BTBD9: variants seen among roughly 807,000 people sequenced by gnomAD.
BTBD9 encodes the protein BTB/POZ domain-containing protein 9.
Under a neutral mutation model 64.3 loss-of-function variants are expected in BTBD9, and 49 were observed. The observed-to-expected ratio is 0.76, with a 90% CI of 0.61 to 0.97. The LOEUF is 0.97. Among genes scored for constraint, BTBD9 ranks in the 50% least tolerant of loss-of-function variants. BTBD9 has a pLI of 0.00. For missense variants in BTBD9, 598 were observed against 762.1 expected, an observed-to-expected ratio of 0.78 and a Z score of 2.53; for synonymous variants, 260 against 274.7, an observed-to-expected ratio of 0.95 and a Z score of 0.53.
chr6:38,587,047 G>A (rs930284413), intron 4 of BTBD9, among the ~76,000 whole-genome samples: 2 of 150,194 alleles, frequency 1.3e-5, no homozygotes, highest in East Asian at 2.0e-4. Flanking sequence ...TGGGTGACAA[G>A]AGTGAGACTC....
intron 6 of BTBD9, among the ~76,000 whole-genome samples, chr6:38,355,565 A>C (rs576280550): frequency 2.6e-5 from 4 of 152,242 alleles, no homozygotes; most frequent in Non-Finnish European, 5.9e-5. Context: ...GAAAAACTTA[A>C]CGAGTGGAAT....
At chr6:38,508,023 C>T (rs1362222390) in intron 6 of BTBD9, among the ~76,000 whole-genome samples, 1 of 151,792 alleles carries the variant, frequency 6.6e-6, no homozygotes, top group African/African-American at 2.4e-5. Flanking sequence ...TTAGTAGAGA[C>T]GGGGTTTCAC....
intron 9 of BTBD9, among the ~76,000 whole-genome samples, chr6:38,205,144 C>T (rs995480568): frequency 6.6e-6 from 1 of 152,062 alleles, no homozygotes; most frequent in Non-Finnish European, 1.5e-5. Flanking sequence ...TATGATGTTC[C>T]AGAGAAAATA....
At chr6:38,446,530 C>G (rs1769284555) in intron 6 of BTBD9, among the ~76,000 whole-genome samples, 1 of 152,124 alleles carries the variant, frequency 6.6e-6, no homozygotes, top group African/African-American at 2.4e-5. Flanking sequence ...CATGCCCTGC[C>G]CCTTTCTCCC....
At chr6:38,628,652 A>G (rs1472339244) in intron 1 of BTBD9, among the ~76,000 whole-genome samples, 1 of 152,214 alleles carries the variant, frequency 6.6e-6, no homozygotes, top group Non-Finnish European at 1.5e-5. Flanking sequence ...TGTGGAATAC[A>G]CATACATTGA....
At chr6:38,562,483 A>T (rs58904257) in intron 6 of BTBD9, among the ~76,000 whole-genome samples, 20 of 152,332 alleles carry the variant, frequency 1.3e-4, no homozygotes, top group Admixed American at 2.6e-4. Flanking sequence ...TTTATTTTTT[A>T]AAAATGATCG....
At chr6:38,450,793 G>A (rs540331751) in intron 6 of BTBD9, among the ~76,000 whole-genome samples, 4 of 152,278 alleles carry the variant, frequency 2.6e-5, no homozygotes, top group Non-Finnish European at 5.9e-5. Flanking sequence ...TCTGGGTTCC[G>A]TGACTCAGAA....
chr6:38,180,478 G>T (rs566707280), intron 10 of BTBD9, among the ~76,000 whole-genome samples: 1 of 152,142 alleles, frequency 6.6e-6, no homozygotes, highest in South Asian at 2.1e-4. Flanking sequence ...CCTTCCCACC[G>T]TAACCCCAAG....
intron 6 of BTBD9, among the ~76,000 whole-genome samples, chr6:38,403,328 C>T (rs1022916796): frequency 5.9e-5 from 9 of 152,094 alleles, no homozygotes; most frequent in African/African-American, 2.2e-4. Flanking sequence ...TAATTATATA[C>T]ATATGTATAT....
chr6:38,377,406 A>G (rs1765733581), intron 6 of BTBD9, among the ~76,000 whole-genome samples: 1 of 152,198 alleles, frequency 6.6e-6, no homozygotes, highest in Non-Finnish European at 1.5e-5. Context: ...TCATTATGGT[A>G]CCTTTTAAGA....
At chr6:38,365,165 C>T (rs979611568) in intron 6 of BTBD9, among the ~76,000 whole-genome samples, 5 of 152,130 alleles carry the variant, frequency 3.3e-5, no homozygotes, top group Non-Finnish European at 5.9e-5. Context: ...CCAGGCACTA[C>T]GCTAAGCACC....
chr6:38,302,046 C>T (rs191708311), intron 7 of BTBD9, among the ~76,000 whole-genome samples: 4 of 152,186 alleles, frequency 2.6e-5, no homozygotes, highest in South Asian at 2.1e-4. Flanking sequence ...TATGATGTTT[C>T]GATACGTGTA....
At chr6:38,397,109 CCAGGCTGGT>C (rs1201285398) in intron 6 of BTBD9, among the ~76,000 whole-genome samples, 1 of 151,928 alleles carries the variant, frequency 6.6e-6, no homozygotes. Flanking sequence ...GCCATGTTGG[CCAGGCTGGT>C]CTTGAACTCC....
At chr6:38,595,219 A>T (rs979138968) in intron 2 of BTBD9, among the ~76,000 whole-genome samples, 1 of 152,256 alleles carries the variant, frequency 6.6e-6, no homozygotes, top group Non-Finnish European at 1.5e-5. Flanking sequence ...GAAAAATCAG[A>T]AGAAATTCAT....
intron 9 of BTBD9, among the ~76,000 whole-genome samples, chr6:38,238,496 G>A (rs866516140): frequency 1.2e-3 from 140 of 118,312 alleles, no homozygotes; most frequent in African/African-American, 4.0e-3. Context: ...TTTTTGAGAC[G>A]GAGTCTCGCT....
At chr6:38,368,302 TTG>T (rs777521308) in intron 6 of BTBD9, among the ~76,000 whole-genome samples, 18 of 152,290 alleles carry the variant, frequency 1.2e-4, no homozygotes, top group Non-Finnish European at 1.6e-4. Context: ...ATTGCCCCTT[TTG>T]ATGCATGCGC....
intron 9 of BTBD9, among the ~76,000 whole-genome samples, chr6:38,248,555 TC>T (rs1764286973): frequency 1.3e-5 from 2 of 152,160 alleles, no homozygotes; most frequent in Admixed American, 1.3e-4. Context: ...GGGAGTATAC[TC>T]TGACAGGAAA....
intron 6 of BTBD9, among the ~76,000 whole-genome samples, chr6:38,513,783 G>T (rs1287996910): frequency 6.6e-6 from 1 of 152,138 alleles, no homozygotes; most frequent in African/African-American, 2.4e-5. Flanking sequence ...TGGGGAATCA[G>T]GTGAGAGGAA....
At chr6:38,482,762 T>C (rs142212770) in intron 6 of BTBD9, among the ~76,000 whole-genome samples, 1 of 152,038 alleles carries the variant, frequency 6.6e-6, no homozygotes, top group East Asian at 1.9e-4. Context: ...AGAATATATA[T>C]AGCACAAATA....
Sources: gnomAD v4.1 joint callset for allele counts (sites outside exome capture counted in the v4.1 genomes callset) on GRCh38, gnomAD v4.1.1 for gene constraint, MANE v1.5 for transcripts, NCBI Gene and HGNC (gene_info 2026-07-23, HGNC 2026-07-21) for gene names.